Variants in AP2B1 observed in about 807,000 individuals in gnomAD.
AP2B1 encodes adaptor related protein complex 2 subunit beta 1, also known as AP-2 complex subunit beta.
Under a neutral mutation model 102.0 loss-of-function variants are expected in AP2B1, and 23 were observed. That is an observed-to-expected ratio of 0.23 (90% CI 0.16 to 0.32). AP2B1 has a LOEUF of 0.32. AP2B1 is among the 10% of genes least tolerant of loss of function. The pLI, the probability that AP2B1 is intolerant of heterozygous loss-of-function variation, is 1.00. For synonymous variants in AP2B1, 381 were observed against 421.2 expected (o/e 0.90, Z 1.17); for missense variants, 541 against 1,157.4 (o/e 0.47, Z 7.73).
chr17:35,711,410 C>CAA (rs782545206), intron 20 of AP2B1, among the ~76,000 whole-genome samples: 132 of 114,514 alleles, frequency 1.2e-3, no homozygotes, highest in African/African-American at 3.2e-3. Context: ...GCACAGAAAG[C>CAA]AAAAAAAAAA....
At chr17:35,720,541 TTATTTATATATATATATA>T (rs1289429776) in intron 21 of AP2B1, among the ~76,000 whole-genome samples, 1 of 105,264 alleles carries the variant, frequency 9.5e-6, no homozygotes, top group Non-Finnish European at 1.9e-5. Flanking sequence ...TATTTTTATT[TTATTTATATATATATATA>T]TATATATATA....
chr17:35,698,617 A>G (rs2076184356), intron 18 of AP2B1, among the ~76,000 whole-genome samples: 1 of 152,170 alleles, frequency 6.6e-6, no homozygotes, highest in Non-Finnish European at 1.5e-5. Flanking sequence ...CCTGGCCTCC[A>G]CAGTTTAGAT....
At position 35,686,827 on chromosome 17, in the gene AP2B1, A is replaced by G. The variant is rs1225044523; in HGVS notation, c.2454+4003A>G. Among the ~76,000 whole-genome samples, 3 of 152,142 alleles carry G rather than the reference A, an allele frequency of 2.0e-5. No individual in the cohort carries two copies. The East Asian group carries it at 5.8e-4, about 29-fold the overall frequency. On this transcript the variant is annotated intron_variant, in intron 18 of 21. Transcript: ENST00000610402. The stretch of plus-strand genomic sequence containing the variant: ...AAAATGCAAAAAAAATTAGTCAGGC[A>G]TGGTGGCAGGTGCCTGTAGTCCCAG...
At chr17:35,639,084 C>CCTGAGAAAGGTGTAA in intron 10 of AP2B1, among the ~76,000 whole-genome samples, 1 of 152,286 alleles carries the variant, frequency 6.6e-6, no homozygotes, top group East Asian at 1.9e-4. Context: ...AATTTCATCA[C>CCTGAGAAAGGTGTAA]TTTGGGAGAC....
chr17:35,599,368 AC>A (rs2142339531), intron 3 of AP2B1, among the ~76,000 whole-genome samples: 1 of 152,334 alleles, frequency 6.6e-6, no homozygotes, highest in East Asian at 1.9e-4. Context: ...GACAATGGAT[AC>A]GTTTCAGGTT....
At chr17:35,603,206 C>T (rs930380741) in intron 3 of AP2B1, among the ~76,000 whole-genome samples, 1 of 152,042 alleles carries the variant, frequency 6.6e-6, no homozygotes, top group Non-Finnish European at 1.5e-5. Flanking sequence ...CCCTTTTTTC[C>T]CCTTATTTTC....
At position 35,650,654 on chromosome 17, in the gene AP2B1, T is replaced by G; in HGVS notation, c.1661T>G (p.Leu554Arg). 6.2e-7 allele frequency: 1 copy of G among 1,614,206 alleles called. No homozygotes were observed. The highest frequency in any genetic ancestry group is 8.5e-7 in the Non-Finnish European group (1 of 1,180,042). ...EKPLISEETD[L>R]IEPTLLDELI... ...CCACTGATCTCTGAGGAGACGGACC[T>G]TATTGAGCCAACTCTGCTGGATGAG... The change falls in exon 13 of 22, where the codon CTT becomes CGT. Residue 554 changes from leucine to arginine, a missense_variant. Physicochemically the swap from Leu to Arg is moderately radical, Grantham distance 102. Transcript: ENST00000610402.
rs1294246855 is a variant in AP2B1 at position 35,626,739 on chromosome 17, A to G, written c.835A>G (p.Met279Val). The G allele has an allele frequency of 6.2e-7, 1 of 1,614,004 alleles. No homozygotes were observed. Among genetic ancestry groups the G allele is most frequent in the Admixed American group, 1.7e-5 (1 of 59,988 alleles). ...ACCTAAGGATTCTGACTACTACAAT[A>G]TGCTGCTGAAGAAGTTAGCCCCTCC... ...LLPKDSDYYN[M>V]LLKKLAPPLV... is the part of the protein sequence containing the mutation. Residue 279 changes from methionine to valine, a missense_variant, in exon 7 of 22, where the codon ATG (methionine) becomes GTG (valine). Met to Val is a conservative substitution (Grantham distance 21, BLOSUM62 1). Coordinates refer to ENST00000610402, the MANE Select transcript of AP2B1 (RefSeq NM_001030006.2).
At chr17:35,700,293 G>A (rs1234307722) in intron 18 of AP2B1, among the ~76,000 whole-genome samples, 3 of 151,522 alleles carry the variant, frequency 2.0e-5, no homozygotes, top group South Asian at 2.1e-4. Context: ...CATTCCCCTA[G>A]GATCTGTTGA....
chr17:35,642,063 G>GGAA (rs1311675901), intron 12 of AP2B1, 88 bp downstream of exon 12: 1 of 972,112 alleles, frequency 1.0e-6, no homozygotes, highest in Non-Finnish European at 1.6e-6. Context: ...ATTCATTTGG[G>GGAA]GAAGCTTTAT....
At chr17:35,648,848 G>T (rs1235577551) in intron 12 of AP2B1, among the ~76,000 whole-genome samples, 1 of 151,892 alleles carries the variant, frequency 6.6e-6, no homozygotes, top group South Asian at 2.1e-4. Flanking sequence ...ATGGAGAAGG[G>T]TTGGATAATT....
At chr17:35,625,936 C>G (rs1008151197) in intron 6 of AP2B1, among the ~76,000 whole-genome samples, 1 of 151,816 alleles carries the variant, frequency 6.6e-6, no homozygotes, top group Non-Finnish European at 1.5e-5. Context: ...CCCAAGCTAC[C>G]AAAATTGGAT....
At chr17:35,675,784 A>G (rs141429080) in intron 17 of AP2B1, among the ~76,000 whole-genome samples, 26 of 151,856 alleles carry the variant, frequency 1.7e-4, no homozygotes, top group African/African-American at 4.8e-4. Context: ...TTATTCATTT[A>G]TTGACTCTTT....
chr17:35,641,987 G>A lies in AP2B1; in HGVS notation c.1536+12G>A, dbSNP rs760240794. The A allele has an allele frequency of 1.3e-5, 20 of 1,587,906 alleles. No individual in the cohort carries two copies. Among genetic ancestry groups the A allele is most frequent in the Non-Finnish European group, 1.6e-5 (18 of 1,157,708 alleles). ...GTTTGGCAACACAGGTAAGAAATCTGGAAAAAGCAAGATGTTGATTTGTCT... is the reference window on the plus strand; with the variant it reads ...GTTTGGCAACACAGGTAAGAAATCTAGAAAAAGCAAGATGTTGATTTGTCT... On this transcript the variant is annotated intron_variant, in intron 12 of 21. Transcript: ENST00000610402.
intron 1 of AP2B1, among the ~76,000 whole-genome samples, chr17:35,593,459 C>A (rs909189826): frequency 1.6e-5 from 2 of 127,614 alleles, no homozygotes; most frequent in Non-Finnish European, 3.4e-5. Flanking sequence ...TAAAAAAATT[C>A]CATGCATAAG....
At chr17:35,673,118 G>A (rs1385044863) in intron 16 of AP2B1, among the ~76,000 whole-genome samples, 1 of 152,082 alleles carries the variant, frequency 6.6e-6, no homozygotes, top group African/African-American at 2.4e-5. Context: ...CACTCTTTTA[G>A]TATGGCTGAG....
intron 1 of AP2B1, among the ~76,000 whole-genome samples, chr17:35,590,553 T>C (rs2073060514): frequency 6.6e-6 from 1 of 152,228 alleles, no homozygotes; most frequent in Non-Finnish European, 1.5e-5. Context: ...GGCACCATGT[T>C]TCTCTGCCAA....
intron 20 of AP2B1, among the ~76,000 whole-genome samples, chr17:35,716,983 T>C (rs1350074046): frequency 1.3e-5 from 2 of 152,368 alleles, no homozygotes; most frequent in South Asian, 2.1e-4. Flanking sequence ...TATTCTGTTT[T>C]CAGTCCTGGA....
intron 10 of AP2B1, among the ~76,000 whole-genome samples, chr17:35,637,374 G>A (rs1160870206): frequency 6.6e-6 from 1 of 152,100 alleles, no homozygotes; most frequent in South Asian, 2.1e-4. Context: ...TAGTAGAGAC[G>A]GGGTTTCACT....
Sources: allele counts gnomAD v4.1 joint callset (sites outside exome capture counted in the v4.1 genomes callset), GRCh38; gene constraint gnomAD v4.1.1; transcripts MANE v1.5; gene names NCBI Gene and HGNC (gene_info 2026-07-23, HGNC 2026-07-21).